The following KCNN2 variants were observed in gnomAD, a reference collection of about 807,000 sequenced individuals.
The protein encoded by KCNN2 is small conductance calcium-activated potassium channel protein 2.
Under a neutral mutation model 55.5 loss-of-function variants are expected in KCNN2, and 24 were observed. That is an observed-to-expected ratio of 0.43 (90% CI 0.31 to 0.61). The LOEUF is 0.61. Ranked by LOEUF, KCNN2 falls within the 20% of genes least tolerant of loss-of-function variation. The pLI is 0.08. For missense variants in KCNN2, 754 were observed against 853.6 expected, an observed-to-expected ratio of 0.88 and a Z score of 1.45; for synonymous variants, 431 against 336.1, an observed-to-expected ratio of 1.28 and a Z score of -3.09.
chr5:114,271,238 G>A (rs559978254), intron 2 of KCNN2, among the ~76,000 whole-genome samples: 1 of 152,170 alleles, frequency 6.6e-6, no homozygotes, highest in Admixed American at 6.5e-5. Context: ...TGCATTTACA[G>A]TCCTTTACCT....
chr5:114,485,872 A>G (rs140195146), intron 5 of KCNN2, among the ~76,000 whole-genome samples: 17 of 152,332 alleles, frequency 1.1e-4, no homozygotes, highest in African/African-American at 4.1e-4. Context: ...TTTCTTTGCT[A>G]AAGTGAAAAA....
At chr5:114,442,685 G>A (rs527947111) in intron 3 of KCNN2, among the ~76,000 whole-genome samples, 24 of 152,240 alleles carry the variant, frequency 1.6e-4, no homozygotes, top group African/African-American at 5.3e-4. Flanking sequence ...CTGCCCCTCG[G>A]GTTTACAGTC....
intron 3 of KCNN2, among the ~76,000 whole-genome samples, chr5:114,436,985 A>C (rs373779576): frequency 2.0e-5 from 3 of 152,130 alleles, no homozygotes; most frequent in African/African-American, 4.8e-5. Context: ...TGGACAGCAC[A>C]GATTTAGGTT....
chr5:114,080,328 G>A (rs747565625), intron 1 of KCNN2, among the ~76,000 whole-genome samples: 9 of 152,108 alleles, frequency 5.9e-5, no homozygotes, highest in Non-Finnish European at 7.4e-5. Context: ...AAAATGAGTT[G>A]GGAATTTTTT....
chr5:114,333,895 A>C (rs921486211), intron 2 of KCNN2, among the ~76,000 whole-genome samples: 2 of 152,118 alleles, frequency 1.3e-5, no homozygotes, highest in African/African-American at 2.4e-5. Flanking sequence ...ACTGAAACTG[A>C]GCCCATTGTT....
chr5:114,193,238 G>C (rs781370622), intron 1 of KCNN2, among the ~76,000 whole-genome samples: 2 of 152,050 alleles, frequency 1.3e-5, no homozygotes, highest in African/African-American at 4.8e-5. Flanking sequence ...TCAGCTCAGC[G>C]TCTGGCCTTT....
intron 2 of KCNN2, among the ~76,000 whole-genome samples, chr5:114,375,952 G>GTATGTATATATATATATATATA (rs1757917060): frequency 9.5e-6 from 1 of 104,722 alleles, no homozygotes; most frequent in African/African-American, 3.6e-5. Context: ...GACTCACAGT[G>GTATGTATATATATATATATATA]TATATATATA....
chr5:114,350,245 T>C (rs1371695608), intron 2 of KCNN2, among the ~76,000 whole-genome samples: 2 of 151,986 alleles, frequency 1.3e-5, no homozygotes, highest in African/African-American at 4.8e-5. Context: ...ACATTTATTA[T>C]TTGTTTGTGG....
At chr5:114,385,537 A>G (rs867084790) in intron 2 of KCNN2, among the ~76,000 whole-genome samples, 1 of 151,650 alleles carries the variant, frequency 6.6e-6, no homozygotes, top group South Asian at 2.1e-4. Context: ...ACACACACAC[A>G]CACACACACA....
chr5:114,250,710 A>G (rs1353962938), intron 2 of KCNN2, among the ~76,000 whole-genome samples: 2 of 152,210 alleles, frequency 1.3e-5, no homozygotes. Context: ...GAAATGCACA[A>G]GCAAGATTCA....
chr5:114,487,487 A>G (rs1747631354), intron 6 of KCNN2, among the ~76,000 whole-genome samples: 1 of 152,114 alleles, frequency 6.6e-6, no homozygotes, highest in Admixed American at 6.6e-5. Context: ...TTGCTCTAGG[A>G]TTTTTTCAGC....
intron 2 of KCNN2, among the ~76,000 whole-genome samples, chr5:114,387,783 C>G (rs962761563): frequency 3.3e-5 from 5 of 152,096 alleles, no homozygotes; most frequent in Non-Finnish European, 1.5e-5. Context: ...AGACTAGACT[C>G]TCTGACATTT....
intron 5 of KCNN2, among the ~76,000 whole-genome samples, chr5:114,483,713 C>CTGTG (rs3070952): frequency 0.41 from 61,030 of 148,120 alleles, 14,085 homozygotes; most frequent in Non-Finnish European, 0.54. Context: ...TATTTTTCAA[C>CTGTG]TGTGTGTGTG....
At chr5:114,276,480 C>T (rs1164021695) in intron 2 of KCNN2, among the ~76,000 whole-genome samples, 2 of 151,992 alleles carry the variant, frequency 1.3e-5, no homozygotes, top group African/African-American at 4.8e-5. Flanking sequence ...CTTTTTAGGT[C>T]TCTAAGAATT....
At chr5:114,257,136 T>C (rs1021348858) in intron 2 of KCNN2, among the ~76,000 whole-genome samples, 10 of 152,142 alleles carry the variant, frequency 6.6e-5, no homozygotes, top group Admixed American at 6.5e-4. Context: ...TAGTGTATAT[T>C]TTTATCAACT....
At chr5:114,475,236 T>C (rs1223474431) in intron 5 of KCNN2, among the ~76,000 whole-genome samples, 3 of 152,082 alleles carry the variant, frequency 2.0e-5, no homozygotes, top group African/African-American at 7.2e-5. Context: ...AGTTGCTGTA[T>C]TCCAGGGCCT....
chr5:114,475,676 C>G (rs375889185), intron 5 of KCNN2, among the ~76,000 whole-genome samples: 145 of 152,186 alleles, frequency 9.5e-4, no homozygotes, highest in South Asian at 7.5e-3. Context: ...CAGACGAAAT[C>G]TCAGATGCTT....
chr5:114,463,205 A>G lies in KCNN2; in HGVS notation c.1779+15A>G, dbSNP rs142733671. On this transcript the variant is annotated intron_variant, in intron 4 of 7. Coordinates refer to ENST00000673685, the MANE Select transcript of KCNN2 (RefSeq NM_021614.4). ...CTGGAATTATGGTAAGTGTCTTTATACTTCACATCTCTTTTATTTACGCTC... is the reference window on the plus strand; with the variant it reads ...CTGGAATTATGGTAAGTGTCTTTATGCTTCACATCTCTTTTATTTACGCTC... 2.8e-4 allele frequency: 446 copies of G among 1,600,272 alleles called. 1 individual carries two copies. Among genetic ancestry groups the G allele is most frequent in the Middle Eastern group, 2.3e-3 (14 of 5,984 alleles).
chr5:114,490,432 T>G (rs1173822623), intron 6 of KCNN2, among the ~76,000 whole-genome samples: 1 of 152,244 alleles, frequency 6.6e-6, no homozygotes, highest in Non-Finnish European at 1.5e-5. Flanking sequence ...TTATGCATGC[T>G]CTTCCTTCTG....
Sources: gnomAD v4.1 joint callset for allele counts (sites outside exome capture counted in the v4.1 genomes callset) on GRCh38, gnomAD v4.1.1 for gene constraint, MANE v1.5 for transcripts, NCBI Gene and HGNC (gene_info 2026-07-23, HGNC 2026-07-21) for gene names.